RORA: variants seen among roughly 807,000 people sequenced by gnomAD.
RORA encodes the protein nuclear receptor ROR-alpha.
RORA carries 7 observed loss-of-function variants against 69.5 expected under a neutral mutation model. That is an observed-to-expected ratio of 0.10 (90% CI 0.06 to 0.19). The LOEUF is 0.19. Among genes scored for constraint, RORA ranks in the 10% least tolerant of loss-of-function variants. The probability of loss-of-function intolerance (pLI) is 1.00; values close to 1 mark genes in which losing one functional copy is unlikely to be tolerated. For missense variants in RORA, 457 were observed against 663.0 expected (o/e 0.69, Z 3.41); for synonymous variants, 261 against 240.8 (o/e 1.08, Z -0.78).
chr15:61,084,692 G>A (rs998425147), intron 1 of RORA, among the ~76,000 whole-genome samples: 1 of 152,176 alleles, frequency 6.6e-6, no homozygotes, highest in African/African-American at 2.4e-5. Context: ...ACAGAGCAAT[G>A]CACAGAACCG....
chr15:60,651,700 C>A (rs1353590745), intron 2 of RORA, among the ~76,000 whole-genome samples: 2 of 152,192 alleles, frequency 1.3e-5, no homozygotes, highest in African/African-American at 4.8e-5. Flanking sequence ...CAGCTTTCTG[C>A]ACCCTCCTTC....
chr15:60,667,683 G>C (rs1234451776), intron 2 of RORA, among the ~76,000 whole-genome samples: 1 of 152,150 alleles, frequency 6.6e-6, no homozygotes, highest in African/African-American at 2.4e-5. Context: ...GCAGTGGTGT[G>C]ATCATAGCTT....
At chr15:61,112,952 T>C (rs988584499) in intron 1 of RORA, among the ~76,000 whole-genome samples, 2 of 152,192 alleles carry the variant, frequency 1.3e-5, no homozygotes, top group Non-Finnish European at 2.9e-5. Flanking sequence ...GGGCATAATA[T>C]TGTCCTGCAA....
At chr15:61,034,841 G>T (rs1185075060) in intron 1 of RORA, among the ~76,000 whole-genome samples, 1 of 140,468 alleles carries the variant, frequency 7.1e-6, no homozygotes, top group Non-Finnish European at 1.5e-5. Context: ...TTACATACTT[G>T]AAGAATTTTC....
chr15:60,689,747 A>T (rs1293870179), intron 1 of RORA, among the ~76,000 whole-genome samples: 2 of 152,200 alleles, frequency 1.3e-5, no homozygotes, highest in Admixed American at 1.3e-4. Flanking sequence ...CACAGACAAC[A>T]CATAGAGAAA....
intron 1 of RORA, among the ~76,000 whole-genome samples, chr15:60,817,759 C>G (rs572216509): frequency 2.1e-4 from 32 of 152,180 alleles, no homozygotes; most frequent in Non-Finnish European, 4.0e-4. Context: ...TGTGTTTGTC[C>G]CCTGTGCCAA....
chr15:61,109,598 T>A (rs1025606851), intron 1 of RORA, among the ~76,000 whole-genome samples: 1 of 152,244 alleles, frequency 6.6e-6, no homozygotes, highest in Admixed American at 6.5e-5. Context: ...TAAGCATTTA[T>A]TGGGAGTTGA....
intron 3 of RORA, among the ~76,000 whole-genome samples, chr15:60,519,434 G>A (rs2066082855): frequency 6.6e-6 from 1 of 152,172 alleles, no homozygotes; most frequent in Admixed American, 6.5e-5. Flanking sequence ...GGTAAAGCCA[G>A]GATATGACTT....
chr15:61,060,357 T>C lies in RORA; in HGVS notation c.166+168696A>G, dbSNP rs560640943. 1.7e-4 allele frequency among the ~76,000 whole-genome samples: 26 copies of C among 152,294 alleles called. 1 individual carries two copies. In the South Asian group the frequency reaches 5.0e-3, roughly 29 times the overall value. On this transcript the variant is annotated intron_variant, in intron 1 of 10. Transcript: ENST00000335670. ...TTCCTTCCACTACTCATTCTGCTCCTGGGAGAGTTAATGCATTGCAGGAAC... is the reference window on the plus strand; with the variant it reads ...TTCCTTCCACTACTCATTCTGCTCCCGGGAGAGTTAATGCATTGCAGGAAC...
intron 1 of RORA, among the ~76,000 whole-genome samples, chr15:60,954,305 G>C (rs1462085863): frequency 9.8e-5 from 12 of 121,876 alleles, no homozygotes; most frequent in Non-Finnish European, 5.1e-5. Context: ...GGTGGGGGGT[G>C]GGGGGAGGGA....
intron 1 of RORA, among the ~76,000 whole-genome samples, chr15:60,946,109 T>G (rs140803652): frequency 1.4e-4 from 22 of 152,190 alleles, no homozygotes; most frequent in Admixed American, 6.5e-4. Context: ...GAATCAAAGA[T>G]AATGAGCCAG....
intron 1 of RORA, among the ~76,000 whole-genome samples, chr15:61,144,020 A>C (rs181972821): frequency 3.9e-5 from 6 of 152,398 alleles, no homozygotes; most frequent in Non-Finnish European, 7.3e-5. Context: ...CTAATATGTT[A>C]GATAAAAGGC....
At chr15:60,963,656 C>A (rs556687314) in intron 1 of RORA, among the ~76,000 whole-genome samples, 1 of 152,218 alleles carries the variant, frequency 6.6e-6, no homozygotes, top group Non-Finnish European at 1.5e-5. Context: ...TCAGCTTCAT[C>A]TGAAGCCCTT....
intron 1 of RORA, chr15:61,211,962 C>T (rs2079996071): frequency 6.6e-6 from 1 of 152,158 alleles, no homozygotes; most frequent in Non-Finnish European, 1.5e-5. Flanking sequence ...ATCCGCCTGG[C>T]CAAACACTTG....
At position 60,905,784 on chromosome 15, in the gene RORA, C is replaced by T. The variant is rs913335731; in HGVS notation, c.167-227098G>A. 6.6e-6 allele frequency among the ~76,000 whole-genome samples: 1 copy of T among 152,148 alleles called. No individual in the cohort carries two copies. Among genetic ancestry groups the T allele is most frequent in the Non-Finnish European group, 1.5e-5 (1 of 67,994 alleles). ...TAGAGCCGGCCTGGTTCTTGGGGCA[C>T]CCCCTAGTGACATGTTCCTATACCC... On this transcript the variant is annotated intron_variant, in intron 1 of 10. Transcript: ENST00000335670. This position sits in a 1 kb window ranked among gnomAD's most constrained non-coding sequence, Gnocchi z 4.8.
intron 1 of RORA, among the ~76,000 whole-genome samples, chr15:60,811,167 T>G (rs1876573992): frequency 6.6e-6 from 1 of 152,214 alleles, no homozygotes; most frequent in African/African-American, 2.4e-5. Flanking sequence ...AGGATAATTG[T>G]CTAGCTCAGG....
At chr15:60,658,783 G>A (rs1463980695) in intron 2 of RORA, among the ~76,000 whole-genome samples, 1 of 152,190 alleles carries the variant, frequency 6.6e-6, no homozygotes, top group East Asian at 1.9e-4. Context: ...ACTAAACAGG[G>A]TCCGTTCTCC....
intron 1 of RORA, among the ~76,000 whole-genome samples, chr15:60,748,309 G>GA (rs397854053): frequency 2.4e-3 from 77 of 32,068 alleles, no homozygotes; most frequent in Admixed American, 4.0e-3. Context: ...TATAATTAGC[G>GA]AAAAAAAAAA....
chr15:61,157,560 C>T (rs2079455551), intron 1 of RORA, among the ~76,000 whole-genome samples: 1 of 152,170 alleles, frequency 6.6e-6, no homozygotes, highest in African/African-American at 2.4e-5. Context: ...TTACTTACCC[C>T]ATTGTTCTCC....
Sources: allele counts gnomAD v4.1 joint callset (sites outside exome capture counted in the v4.1 genomes callset), GRCh38; gene constraint gnomAD v4.1.1; non-coding constraint Gnocchi (gnomAD v3.1); transcripts MANE v1.5; gene names NCBI Gene and HGNC (gene_info 2026-07-23, HGNC 2026-07-21).